CHRM3: variants seen among roughly 807,000 people sequenced by gnomAD.
CHRM3 encodes the protein cholinergic receptor muscarinic 3.
A neutral mutation model predicts 41.8 loss-of-function variants in CHRM3; 11 were observed. That is an observed-to-expected ratio of 0.26 (90% CI 0.17 to 0.44). The LOEUF (loss-of-function observed/expected upper bound fraction) is 0.44. Ranked by LOEUF, CHRM3 falls within the 20% of genes least tolerant of loss-of-function variation. The pLI, the probability that CHRM3 is intolerant of heterozygous loss-of-function variation, is 1.00. For synonymous variants in CHRM3, 297 were observed against 301.4 expected (o/e 0.99, Z 0.15); for missense variants, 571 against 745.4 (o/e 0.77, Z 2.72).
chr1:239,887,851 G>T (rs1297009790), intron 6 of CHRM3, among the ~76,000 whole-genome samples: 1 of 152,142 alleles, frequency 6.6e-6, no homozygotes, highest in Non-Finnish European at 1.5e-5. Context: ...TGGAGCAATG[G>T]TGTTTTATAT....
At chr1:239,562,083 A>G (rs973228901) in intron 3 of CHRM3, among the ~76,000 whole-genome samples, 6 of 152,148 alleles carry the variant, frequency 3.9e-5, no homozygotes, top group Admixed American at 2.0e-4. Context: ...AATTGTTTTA[A>G]TTGTCATGTT....
At chr1:239,499,110 C>T (rs1252055647) in intron 2 of CHRM3, among the ~76,000 whole-genome samples, 5 of 152,088 alleles carry the variant, frequency 3.3e-5, no homozygotes, top group Non-Finnish European at 5.9e-5. Flanking sequence ...GGTAGAAGTG[C>T]GTATTGGTAA....
chr1:239,673,241 A>G (rs1674552986), intron 4 of CHRM3, among the ~76,000 whole-genome samples: 1 of 152,292 alleles, frequency 6.6e-6, no homozygotes, highest in Non-Finnish European at 1.5e-5. Context: ...TGGGGTAGGA[A>G]TGGGATGGAG....
chr1:239,761,433 G>A (rs1463728313), intron 5 of CHRM3, among the ~76,000 whole-genome samples: 4 of 152,098 alleles, frequency 2.6e-5, no homozygotes, highest in Non-Finnish European at 5.9e-5. Flanking sequence ...ACATGTCTAA[G>A]GATTCTTTTA....
At chr1:239,901,590 A>C (rs368080924) in intron 6 of CHRM3, among the ~76,000 whole-genome samples, 4 of 152,278 alleles carry the variant, frequency 2.6e-5, no homozygotes, top group African/African-American at 7.2e-5. Flanking sequence ...GTTTTATTGT[A>C]AACTAAATTT....
intron 2 of CHRM3, among the ~76,000 whole-genome samples, chr1:239,535,846 A>G (rs1658144877): frequency 6.6e-6 from 1 of 152,082 alleles, no homozygotes; most frequent in African/African-American, 2.4e-5. Context: ...AAGGGCTGCT[A>G]AAGAGGCCAT....
At chr1:239,712,527 G>A (rs1245022939) in intron 5 of CHRM3, among the ~76,000 whole-genome samples, 1 of 152,178 alleles carries the variant, frequency 6.6e-6, no homozygotes, top group African/African-American at 2.4e-5. Context: ...AGAAGTCTCT[G>A]TAAGCTGGGG....
intron 5 of CHRM3, among the ~76,000 whole-genome samples, chr1:239,820,672 C>T (rs759940690): frequency 4.6e-5 from 7 of 151,868 alleles, no homozygotes; most frequent in African/African-American, 9.7e-5. Flanking sequence ...CTGGTTTGTG[C>T]GCCCCAGCAA....
At chr1:239,701,638 T>G (rs1268023349) in intron 5 of CHRM3, among the ~76,000 whole-genome samples, 1 of 152,226 alleles carries the variant, frequency 6.6e-6, no homozygotes, top group African/African-American at 2.4e-5. Flanking sequence ...ATCATTTTCC[T>G]AAAATATCAC....
intron 5 of CHRM3, among the ~76,000 whole-genome samples, chr1:239,798,427 C>G (rs567565964): frequency 2.6e-5 from 4 of 152,238 alleles, no homozygotes; most frequent in African/African-American, 9.6e-5. Flanking sequence ...AGAATATAAG[C>G]TCCTTGATGG....
At chr1:239,601,579 T>G (rs1665543851) in intron 3 of CHRM3, among the ~76,000 whole-genome samples, 1 of 152,046 alleles carries the variant, frequency 6.6e-6, no homozygotes, top group South Asian at 2.1e-4. Context: ...ACCAACAGTG[T>G]AGCAATGAAC....
chr1:239,576,187 G>C (rs186799743), intron 3 of CHRM3, among the ~76,000 whole-genome samples: 1 of 152,138 alleles, frequency 6.6e-6, no homozygotes, highest in Non-Finnish European at 1.5e-5. Context: ...ATTGTATATG[G>C]ATACCACATT....
chr1:239,415,566 A>G (rs1312661979), intron 1 of CHRM3, among the ~76,000 whole-genome samples: 2 of 152,248 alleles, frequency 1.3e-5, no homozygotes, highest in African/African-American at 4.8e-5. Flanking sequence ...ATAAAGTTGT[A>G]AACAAAGAAG....
At chr1:239,834,190 T>A (rs542438417) in intron 6 of CHRM3, among the ~76,000 whole-genome samples, 24 of 83,170 alleles carry the variant, frequency 2.9e-4, no homozygotes, top group East Asian at 1.4e-3. Flanking sequence ...ACACACACAC[T>A]GGGGAGGACA....
At chr1:239,520,110 TCA>T (rs1347181114) in intron 2 of CHRM3, among the ~76,000 whole-genome samples, 2 of 152,334 alleles carry the variant, frequency 1.3e-5, no homozygotes, top group African/African-American at 2.4e-5. Flanking sequence ...CAAAATGTAC[TCA>T]GTCATTGCTG....
At chr1:239,745,450 A>T (rs936211428) in intron 5 of CHRM3, among the ~76,000 whole-genome samples, 1 of 151,988 alleles carries the variant, frequency 6.6e-6, no homozygotes. Context: ...AAAAAAAAAA[A>T]ATTTCCAAAG....
In CHRM3 at chr1:239,552,444, A is replaced by G. The variant is rs542658616; in HGVS notation, c.-313+6695A>G. On this transcript the variant is annotated intron_variant, in intron 3 of 6. Coordinates refer to ENST00000676153, the MANE Select transcript of CHRM3 (RefSeq NM_001375978.1). Reference sequence around the variant, plus strand: ...TATGTATCATATATATGTATAGATGATATGTATCATATTTTATATATGTAT... The same window carrying G: ...TATGTATCATATATATGTATAGATGGTATGTATCATATTTTATATATGTAT... 2.0e-5 allele frequency among the ~76,000 whole-genome samples: 3 copies of G among 147,236 alleles called. No homozygotes were observed. The Admixed American group carries it at 2.0e-4, about 10-fold the overall frequency.
intron 5 of CHRM3, among the ~76,000 whole-genome samples, chr1:239,759,583 A>C (rs1666562914): frequency 6.6e-6 from 1 of 152,178 alleles, no homozygotes; most frequent in Non-Finnish European, 1.5e-5. Context: ...ATTTGTTCTT[A>C]AGTCTGTGTA....
chr1:239,610,073 G>C (rs184772017), intron 3 of CHRM3, among the ~76,000 whole-genome samples: 4,092 of 150,804 alleles, frequency 0.027, 175 homozygotes, highest in African/African-American at 0.086. Flanking sequence ...GGTGCCTGTA[G>C]TCCCAGCTAC....
Sources: allele counts gnomAD v4.1 joint callset (sites outside exome capture counted in the v4.1 genomes callset), GRCh38; gene constraint gnomAD v4.1.1; transcripts MANE v1.5; gene names NCBI Gene and HGNC (gene_info 2026-07-23, HGNC 2026-07-21).